FOLR1: variants seen among roughly 807,000 people sequenced by gnomAD.
FOLR1 encodes KB cells FBP.
A neutral mutation model predicts 22.8 loss-of-function variants in FOLR1; 11 were observed. That is an observed-to-expected ratio of 0.48 (90% CI 0.30 to 0.80). The LOEUF (loss-of-function observed/expected upper bound fraction) is 0.80, where lower values mean the gene tolerates loss of function less well. FOLR1 is among the 30% of genes least tolerant of loss of function. FOLR1 has a pLI of 0.06. For missense variants in FOLR1, 273 were observed against 320.3 expected (o/e 0.85, Z 1.13); for synonymous variants, 108 against 116.5 (o/e 0.93, Z 0.47).
At chr11:72,195,569 G>T in intron 2 of FOLR1, 43 bp from the exon 3 acceptor site, 17 of 1,614,034 alleles carry the variant, frequency 1.1e-5, no homozygotes, top group Non-Finnish European at 1.4e-5. Context: ...GAGTTGCTGG[G>T]ATTCTTGAAC....
intron 1 of FOLR1, among the ~76,000 whole-genome samples, chr11:72,192,739 C>G (rs938651547): frequency 2.6e-5 from 4 of 152,094 alleles, no homozygotes; most frequent in African/African-American, 9.7e-5. Context: ...GAGTCTCTCA[C>G]ATTATGAGGC....
chr11:72,191,293 C>G (rs76985467), upstream of FOLR1, among the ~76,000 whole-genome samples: 1,885 of 152,166 alleles, frequency 0.012, 40 homozygotes, highest in African/African-American at 0.044. Context: ...GGGGCTGGGA[C>G]CAAGGTTTAA....
chr11:72,191,309 AAAAC>A (rs2135384684), upstream of FOLR1, among the ~76,000 whole-genome samples: 1 of 152,282 alleles, frequency 6.6e-6, no homozygotes, highest in South Asian at 2.1e-4. Context: ...TTTAAAAAGC[AAAAC>A]AAACTAACAA....
upstream of FOLR1, among the ~76,000 whole-genome samples, chr11:72,191,507 C>G (rs1368918660): frequency 6.6e-6 from 1 of 152,044 alleles, no homozygotes; most frequent in Non-Finnish European, 1.5e-5. Flanking sequence ...GGACTACAGG[C>G]ACACGACACC....
At chr11:72,195,554 G>T in intron 2 of FOLR1, 58 bp from the exon 3 acceptor site, 11 of 1,613,750 alleles carry the variant, frequency 6.8e-6, no homozygotes, top group Non-Finnish European at 9.3e-6. Flanking sequence ...GTTCTATTCG[G>T]GGCTGAGTTG....
chr11:72,189,802 A>G (rs910573159), upstream of FOLR1: 2 of 152,336 alleles, frequency 1.3e-5, no homozygotes, highest in Non-Finnish European at 2.9e-5. Flanking sequence ...CACACACCCT[A>G]TGGCATTCCC....
chr11:72,194,295 A>G (rs1401558764), intron 1 of FOLR1, among the ~76,000 whole-genome samples: 2 of 152,230 alleles, frequency 1.3e-5, no homozygotes, highest in Admixed American at 1.3e-4. Flanking sequence ...GTTTTTTTGT[A>G]TCACAAATTC....
rs1057521333 is a variant in FOLR1 at position 72,195,594 on chromosome 11, T to A, written c.358-18T>A. 2 of 1,614,178 alleles carry A rather than the reference T, an allele frequency of 1.2e-6. No individual in the cohort carries two copies. Among genetic ancestry groups the A allele is most frequent in the Non-Finnish European group, 1.7e-6 (2 of 1,180,032 alleles). On this transcript the variant is annotated intron_variant, in intron 2 of 3. Coordinates refer to ENST00000393676, the MANE Select transcript of FOLR1 (RefSeq NM_016729.3). ...GATTCTTGAACCTGAGCCCTTCTTT[T>A]GTATCAAAATCACCCAGGTGGATCA...
At chr11:72,193,808 G>A (rs937765174) in intron 1 of FOLR1, among the ~76,000 whole-genome samples, 5 of 144,564 alleles carry the variant, frequency 3.5e-5, no homozygotes, top group African/African-American at 1.0e-4. Context: ...TATTGAGATG[G>A]AGTCTTGCTC....
rs1283420229 is a variant in FOLR1, at chr11:72,196,101, T to C, written c.698T>C (p.Met233Thr). 6.2e-7 allele frequency: 1 copy of C among 1,614,158 alleles called. No individual in the cohort carries two copies. Among genetic ancestry groups the C allele is most frequent in the Non-Finnish European group, 8.5e-7 (1 of 1,180,024 alleles). The part of the protein sequence containing the change: ...EEVARFYAAA[M>T]SGAGPWAAWP... ...GTGGCGAGGTTCTATGCTGCAGCCA[T>C]GAGTGGGGCTGGGCCCTGGGCAGCC... The change falls in exon 4 of 4, where the codon ATG (methionine) becomes ACG (threonine). Residue 233 changes from methionine to threonine, a missense_variant. Physicochemically the swap from Met to Thr is moderately conservative, Grantham distance 81. Transcript: ENST00000393676.
rs1591246823 is a variant in FOLR1 at position 72,195,987 on chromosome 11, A to G, written c.584A>G (p.His195Arg). ...GTTCTGTGCAATGAAATCTGGACTC[A>G]CTCCTACAAGGTCAGCAACTACAGC... ...PTVLCNEIWT[H>R]SYKVSNYSRG... Residue 195 changes from histidine to arginine, a missense_variant, in exon 4 of 4, where the codon CAC (histidine) becomes CGC (arginine). Coordinates refer to ENST00000393676, the MANE Select transcript of FOLR1 (RefSeq NM_016729.3). 6.2e-7 allele frequency: 1 copy of G among 1,613,886 alleles called. No homozygotes were observed. The highest frequency in any genetic ancestry group is 1.3e-5 in the African/African-American group (1 of 74,838).
upstream of FOLR1, among the ~76,000 whole-genome samples, chr11:72,191,346 A>G (rs369745898): frequency 2.0e-5 from 3 of 152,044 alleles, no homozygotes; most frequent in Non-Finnish European, 2.9e-5. Context: ...AGCCCCCCCA[A>G]CTAAAACATT....
chr11:72,195,836 G>T, intron 3 of FOLR1, 61 bp from the exon 4 acceptor site: 1 of 1,614,020 alleles, frequency 6.2e-7, no homozygotes, highest in Admixed American at 1.7e-5. Context: ...GAGTTGTAGG[G>T]CTGGCAGACC....
In FOLR1 at chr11:72,195,911, G is replaced by T. The variant is rs139633601; in HGVS notation, c.508G>T (p.Ala170Ser). 1 of 1,614,212 alleles carries T rather than the reference G, an allele frequency of 6.2e-7. No individual in the cohort carries two copies. The highest frequency in any genetic ancestry group is 1.1e-5 in the South Asian group (1 of 91,088). Residue 170 changes from alanine (A) to serine (S), a missense_variant, in exon 4 of 4, where the codon GCA becomes TCA. By Grantham distance (99) the Ala-to-Ser change is moderately conservative (BLOSUM62 1). Coordinates refer to ENST00000393676, the MANE Select transcript of FOLR1 (RefSeq NM_016729.3). ...WNWTSGFNKC[A>S]VGAACQPFHF... The stretch of plus-strand genomic sequence containing the variant: ...CCTCTCTACAGGGTTTAACAAGTGC[G>T]CAGTGGGAGCTGCCTGCCAACCTTT...
At chr11:72,194,813 A>G (rs1591245535) in intron 1 of FOLR1, among the ~76,000 whole-genome samples, 1 of 152,192 alleles carries the variant, frequency 6.6e-6, no homozygotes, top group East Asian at 1.9e-4. Flanking sequence ...GGGATTACAC[A>G]AGTAAGCCAC....
In FOLR1 at chr11:72,195,493, C is replaced by T. The variant is rs376293431; in HGVS notation, c.357+34C>T. On this transcript the variant is annotated intron_variant, in intron 2 of 3. Transcript: ENST00000393676. ...GGCTTCCTGCAGGTACAAGACCTAG[C>T]GGAGCAGCTGAGCTTTCCAGGCATC... 2.9e-5 allele frequency: 46 copies of T among 1,613,314 alleles called. No individual in the cohort carries two copies. In the African/African-American group the frequency reaches 5.3e-4, roughly 19 times the overall value.
chr11:72,191,063 C>T (rs116588436), upstream of FOLR1, among the ~76,000 whole-genome samples: 4,753 of 152,300 alleles, frequency 0.031, 95 homozygotes, highest in Non-Finnish European at 0.038. Flanking sequence ...AGGAAACAGT[C>T]GCCTCCCAAA....
rs1288175012 is a variant in FOLR1, at chr11:72,192,214, T to C, written c.41T>C (p.Val14Ala). 2 of 1,614,124 alleles carry C rather than the reference T, an allele frequency of 1.2e-6. No individual in the cohort carries two copies. Among genetic ancestry groups the C allele is most frequent in the African/African-American group, 1.3e-5 (1 of 75,028 alleles). Residue 14 changes from valine to alanine, a missense_variant, in exon 1 of 4, where the codon GTG (valine) becomes GCG (alanine). Physicochemically the swap from Val to Ala is moderately conservative, Grantham distance 64. Transcript: ENST00000393676. The stretch of plus-strand genomic sequence containing the variant: ...ACAACACAGCTGCTGCTCCTTCTAG[T>C]GTGGGTGGCTGTAGTAGGGGAGGCT... ...RMTTQLLLLL[V>A]WVAVVGEAQT...
chr11:72,191,137 T>C (rs1376666757), upstream of FOLR1, among the ~76,000 whole-genome samples: 1 of 152,120 alleles, frequency 6.6e-6, no homozygotes, highest in Non-Finnish European at 1.5e-5. Context: ...AGCTCTGTGG[T>C]AGGGGGCACA....
Sources: allele counts gnomAD v4.1 joint callset (sites outside exome capture counted in the v4.1 genomes callset), GRCh38; gene constraint gnomAD v4.1.1; transcripts MANE v1.5; gene names NCBI Gene and HGNC (gene_info 2026-07-23, HGNC 2026-07-21).